UBA6: variants seen among roughly 807,000 people sequenced by gnomAD.
UBA6 encodes the protein ubiquitin-like modifier-activating enzyme 6.
A neutral mutation model predicts 148.3 loss-of-function variants in UBA6; 87 were observed. The ratio of observed to expected loss-of-function variants is 0.59; its 90% confidence interval spans 0.49 to 0.70. UBA6 has a LOEUF of 0.70. UBA6 is among the 30% of genes least tolerant of loss of function. The pLI, the probability that UBA6 is intolerant of heterozygous loss-of-function variation, is 0.00. For synonymous variants in UBA6, 376 were observed against 401.0 expected, an observed-to-expected ratio of 0.94 and a Z score of 0.75; for missense variants, 1,186 against 1,241.2, an observed-to-expected ratio of 0.96 and a Z score of 0.67.
chr4:67,628,087 A>G (rs1422124797), intron 27 of UBA6, among the ~76,000 whole-genome samples: 1 of 151,724 alleles, frequency 6.6e-6, no homozygotes, highest in Non-Finnish European at 1.5e-5. Context: ...CACATTTAGT[A>G]GGATACATTA....
chr4:67,696,543 A>T, intron 2 of UBA6, 102 bp downstream of exon 2: 1 of 842,382 alleles, frequency 1.2e-6, no homozygotes, highest in Non-Finnish European at 1.9e-6. Context: ...ACACACACAC[A>T]TATAATTCTG....
intron 22 of UBA6, 111 bp from the exon 23 acceptor site, chr4:67,633,584 T>G: frequency 3.3e-6 from 3 of 899,580 alleles, no homozygotes; most frequent in Non-Finnish European, 4.6e-6. Flanking sequence ...GTTTTATGCT[T>G]TTCTTTTTTC....
At chr4:67,673,861 C>A in intron 6 of UBA6, 84 bp from the exon 7 acceptor site, 1 of 955,554 alleles carries the variant, frequency 1.0e-6, no homozygotes, top group African/African-American at 1.6e-5. Flanking sequence ...TGTCAGTTTG[C>A]GTTGTGCTAA....
chr4:67,658,808 A>G (rs10006851), intron 13 of UBA6, among the ~76,000 whole-genome samples: 58,588 of 152,078 alleles, frequency 0.39, 11,423 homozygotes, highest in Middle Eastern at 0.51. Flanking sequence ...ATGACATTCT[A>G]GAAAAGAAAA....
chr4:67,623,974 A>G lies in UBA6; in HGVS notation c.2840+152T>C. The G allele has an allele frequency of 1.0e-5, 5 of 484,010 alleles. No homozygotes were observed. In the South Asian group the frequency reaches 2.3e-4, roughly 23 times the overall value. The allele number at this position is 484,010 out of a possible 1,614,324, so 30.0% of individuals were successfully genotyped here. On this transcript the variant is annotated intron_variant, in intron 30 of 32. Coordinates refer to ENST00000322244, the MANE Select transcript of UBA6 (RefSeq NM_018227.6). ...TACTTTAGTCAGAAATATTTAATGA[A>G]GATGAGGTTTGAGCTGATCTTGAAG... is the stretch of plus-strand genomic sequence containing the variant.
Position 67,652,754 on chromosome 4 carries a change from G to A in UBA6, c.1105-3543C>T, listed in dbSNP as rs188866317. Among the ~76,000 whole-genome samples the A allele has an allele frequency of 1.6e-3, 242 of 152,326 alleles. 2 individuals are homozygous for A. Among genetic ancestry groups the A allele is most frequent in the African/African-American group, 5.5e-3 (227 of 41,572 alleles). On this transcript the variant is annotated intron_variant, in intron 13 of 32. Transcript: ENST00000322244. ...CACCCAGGAAGCACAAGGGGTCAGG[G>A]GATTTCCCTTTCCTAGCCAAGGGAA...
At chr4:67,652,580 C>G (rs553062033) in intron 13 of UBA6, among the ~76,000 whole-genome samples, 2 of 152,286 alleles carry the variant, frequency 1.3e-5, no homozygotes. Flanking sequence ...CGAATAGGAA[C>G]AGCTCGTCTG....
intron 9 of UBA6, among the ~76,000 whole-genome samples, chr4:67,666,849 T>C (rs902512540): frequency 2.0e-5 from 3 of 151,962 alleles, no homozygotes; most frequent in African/African-American, 7.3e-5. Context: ...CACTTCAGCC[T>C]GGGCAACAGA....
intron 17 of UBA6, 58 bp downstream of exon 17, chr4:67,644,640 C>T (rs1577804499): frequency 9.9e-7 from 1 of 1,012,852 alleles, no homozygotes; most frequent in East Asian, 2.4e-5. Flanking sequence ...TCAAATATAG[C>T]TGAAAAAGGG....
At chr4:67,640,877 TA>T (rs1199880686) in intron 18 of UBA6, among the ~76,000 whole-genome samples, 2 of 152,188 alleles carry the variant, frequency 1.3e-5, no homozygotes, top group African/African-American at 4.8e-5. Context: ...ACTTCCTTTC[TA>T]AAATTGAATG....
intron 3 of UBA6, 85 bp downstream of exon 3, chr4:67,682,034 G>A: frequency 1.0e-6 from 1 of 983,370 alleles, no homozygotes; most frequent in Non-Finnish European, 1.6e-6. Context: ...TCCTTTATAG[G>A]AAATATAAGG....
intron 1 of UBA6, among the ~76,000 whole-genome samples, chr4:67,697,411 A>G (rs1730867270): frequency 6.6e-6 from 1 of 152,208 alleles, no homozygotes; most frequent in Admixed American, 6.5e-5. Context: ...CTATTGATGA[A>G]TATATATTGA....
chr4:67,632,343 G>A (rs1037220040), intron 23 of UBA6, among the ~76,000 whole-genome samples: 2 of 152,122 alleles, frequency 1.3e-5, no homozygotes, highest in African/African-American at 2.4e-5. Flanking sequence ...CCTGGGGGAA[G>A]GTAAGAATGA....
chr4:67,656,563 C>G (rs1234160215), intron 13 of UBA6, among the ~76,000 whole-genome samples: 2 of 152,190 alleles, frequency 1.3e-5, no homozygotes, highest in East Asian at 3.8e-4. Context: ...GACAAACCCA[C>G]AGCCAATATC....
intron 14 of UBA6, among the ~76,000 whole-genome samples, chr4:67,648,240 G>A (rs374212784): frequency 7.9e-4 from 120 of 151,500 alleles, no homozygotes; most frequent in Non-Finnish European, 1.3e-3. Flanking sequence ...AGGCCGAGGC[G>A]GGTGGATCAC....
chr4:67,686,952 T>TA (rs546442640), intron 2 of UBA6, among the ~76,000 whole-genome samples: 1,360 of 57,068 alleles, frequency 0.024, 92 homozygotes, highest in Non-Finnish European at 0.026. Context: ...ATCCTGTCTC[T>TA]AAAAAAAAAA....
Position 67,630,516 on chromosome 4 carries a change from T to G in UBA6, c.2278A>C (p.Asn760His), listed in dbSNP as rs140006149. The change falls in exon 26 of 33, where the codon AAT (asparagine) becomes CAT (histidine). Residue 760 changes from asparagine (N) to histidine (H), a missense_variant. Transcript: ENST00000322244. ...ACTGTAGCATATAGTTTTGCAGCAT[T>G]CTGAAGGAAACTGAGGTGCCTTTTG... ...NEPLHLSFLQ[N>H]AAKLYATVYC... The G allele has an allele frequency of 1.6e-4, 253 of 1,585,962 alleles. No individual in the cohort carries two copies. The highest frequency in any genetic ancestry group is 3.3e-4 in the Middle Eastern group (2 of 6,010).
chr4:67,622,591 T>A (rs1728775339), intron 32 of UBA6, among the ~76,000 whole-genome samples: 2 of 152,232 alleles, frequency 1.3e-5, no homozygotes, highest in African/African-American at 4.8e-5. Flanking sequence ...AAGAGACGGA[T>A]CCACTTTTAC....
Position 67,619,046 on chromosome 4 carries a change from T to C in UBA6, c.3110A>G (p.Asp1037Gly), listed in dbSNP as rs749085037. ...SFAPDIDGDE[D>G]LPGPPVRYYF... ...GTATCTTACTGGAGGTCCCGGCAAA[T>C]CTTCATCTCCATCAATGTCTGGAGC... The change falls in exon 33 of 33, where the codon GAT (aspartate) becomes GGT (glycine). Residue 1037 changes from aspartate to glycine, a missense_variant. By Grantham distance (94) the Asp-to-Gly change is moderately conservative. Coordinates refer to ENST00000322244, the MANE Select transcript of UBA6 (RefSeq NM_018227.6). 6.2e-7 allele frequency: 1 copy of C among 1,613,794 alleles called. No homozygotes were observed. Among genetic ancestry groups the C allele is most frequent in the African/African-American group, 1.3e-5 (1 of 74,920 alleles).
Sources: gnomAD v4.1 joint callset for allele counts (sites outside exome capture counted in the v4.1 genomes callset) on GRCh38, gnomAD v4.1.1 for gene constraint, MANE v1.5 for transcripts, NCBI Gene and HGNC (gene_info 2026-07-23, HGNC 2026-07-21) for gene names.